IYD: variants seen among roughly 807,000 people sequenced by gnomAD.
IYD encodes the protein iodotyrosine deiodinase 1.
A neutral mutation model predicts 28.4 loss-of-function variants in IYD; 25 were observed. The observed-to-expected ratio is 0.88, with a 90% CI of 0.64 to 1.23. IYD has a LOEUF of 1.23. IYD is among the 50% of genes most tolerant of loss of function. The pLI is 0.00. For missense variants in IYD, 352 were observed against 357.9 expected (o/e 0.98, Z 0.13); for synonymous variants, 140 against 130.8 (o/e 1.07, Z -0.48).
At chr6:150,378,985 T>A (rs1229483196) in intron 1 of IYD, among the ~76,000 whole-genome samples, 1 of 152,226 alleles carries the variant, frequency 6.6e-6, no homozygotes, top group Non-Finnish European at 1.5e-5. Context: ...GGGCTCCAAA[T>A]GGGATCTCAC....
Position 150,389,428 on chromosome 6 carries a change from A to C in IYD, c.255A>C (p.Glu85Asp). 6.2e-7 allele frequency: 1 copy of C among 1,613,596 alleles called. No homozygotes were observed. The highest frequency in any genetic ancestry group is 8.5e-7 in the Non-Finnish European group (1 of 1,179,546). Residue 85 changes from glutamate to aspartate, a missense_variant, in exon 2 of 5, where the codon GAA becomes GAC. By Grantham distance (45) the Glu-to-Asp change is conservative (BLOSUM62 2). Coordinates refer to ENST00000344419, the MANE Select transcript of IYD (RefSeq NM_203395.3). ...CTCATAACCACTATCCTGAGAAGGAAATGGTTAAGAGGTCTCAGGAATTTT... is the reference window on the plus strand; with the variant it reads ...CTCATAACCACTATCCTGAGAAGGACATGGTTAAGAGGTCTCAGGAATTTT... ...PFSHNHYPEK[E>D]MVKRSQEFYE... is the part of the protein sequence containing the mutation.
chr6:150,402,842 G>C lies in IYD; in HGVS notation c.*4605G>C, dbSNP rs1778549378. ...TGACTTCTCTGCTGCATGATATTGG[G>C]GGTAAATAGTTATTGCACATTTGCT... On this transcript the variant is annotated 3_prime_UTR_variant, in exon 5 of 5. Transcript: ENST00000344419. 1 of 152,140 alleles carries C rather than the reference G, an allele frequency of 6.6e-6. No homozygotes were observed. The highest frequency in any genetic ancestry group is 2.4e-5 in the African/African-American group (1 of 41,426). The allele number at this position is 152,140 out of a possible 1,614,324, so 9.4% of individuals were successfully genotyped here. A position where few individuals can be genotyped will look rare whatever the true frequency, so the allele number is the denominator to read the frequency against.
chr6:150,392,580 C>G, intron 3 of IYD, 76 bp downstream of exon 3: 3 of 1,473,842 alleles, frequency 2.0e-6, no homozygotes, highest in Non-Finnish European at 1.9e-6. Context: ...CATGTCCTGG[C>G]TTTGTTGTAA....
At position 150,371,933 on chromosome 6, in the gene IYD, C is replaced by A. The variant is rs368448340; in HGVS notation, c.178+2724C>A. On this transcript the variant is annotated intron_variant, in intron 1 of 4. Coordinates refer to ENST00000344419, the MANE Select transcript of IYD (RefSeq NM_203395.3). ...ACTCAGGCTTCTCAGCCCCCCAAGT[C>A]CCTGCTCTCAGTCACAGGGTGGTTG... Among the ~76,000 whole-genome samples the A allele has an allele frequency of 2.1e-3, 314 of 152,272 alleles. 2 individuals are homozygous for A. Among genetic ancestry groups the A allele is most frequent in the Middle Eastern group, 6.8e-3 (2 of 294 alleles).
rs961429022 is a variant in IYD, at chr6:150,404,864, G to A, written c.*6627G>A. The A allele has an allele frequency of 2.6e-5, 4 of 152,142 alleles. No homozygotes were observed. The highest frequency in any genetic ancestry group is 2.9e-5 in the Non-Finnish European group (2 of 68,034). The allele number at this position is 152,142 out of a possible 1,614,324, so 9.4% of individuals were successfully genotyped here. On this transcript the variant is annotated 3_prime_UTR_variant, in exon 5 of 5. Transcript: ENST00000344419. ...TTCCCTCCTAGTGAGAAGTCTGGAGGTAGATATTAGATGCTGGTCTATTGC... is the reference window on the plus strand; with the variant it reads ...TTCCCTCCTAGTGAGAAGTCTGGAGATAGATATTAGATGCTGGTCTATTGC...
In IYD at chr6:150,389,433, T is replaced by G. The variant is rs770318303; in HGVS notation, c.260T>G (p.Val87Gly). The G allele has an allele frequency of 5.0e-6, 8 of 1,613,548 alleles. No individual in the cohort carries two copies. Among genetic ancestry groups the G allele is most frequent in the Non-Finnish European group, 6.8e-6 (8 of 1,179,518 alleles). Reference sequence around the variant, plus strand: ...AACCACTATCCTGAGAAGGAAATGGTTAAGAGGTCTCAGGAATTTTATGAA... The same window carrying G: ...AACCACTATCCTGAGAAGGAAATGGGTAAGAGGTCTCAGGAATTTTATGAA... ...SHNHYPEKEMVKRSQEFYELL... is the reference protein window; with the variant it reads ...SHNHYPEKEMGKRSQEFYELL... The change falls in exon 2 of 5, where the codon GTT becomes GGT. Residue 87 changes from valine (V) to glycine (G), a missense_variant. Physicochemically the swap from Val to Gly is moderately radical, Grantham distance 109 (BLOSUM62 -3). Transcript: ENST00000344419.
At chr6:150,380,077 A>G (rs1174641877) in intron 1 of IYD, among the ~76,000 whole-genome samples, 1 of 152,200 alleles carries the variant, frequency 6.6e-6, no homozygotes, top group South Asian at 2.1e-4. Context: ...TAAAAGTCAC[A>G]TCTGTCTTGT....
chr6:150,398,478 G>A lies in IYD; in HGVS notation c.*241G>A, dbSNP rs115654530. 3.4e-3 allele frequency: 1,674 copies of A among 496,632 alleles called. 20 individuals carry two copies. Among genetic ancestry groups the A allele is most frequent in the African/African-American group, 0.029 (1,522 of 52,128 alleles). 30.8% of individuals were successfully genotyped at this position (496,632 alleles called of 1,614,324 possible). A position where few individuals can be genotyped will look rare whatever the true frequency, so the allele number is the denominator to read the frequency against. ...GAACACTTTACAAAGAACATGCCCG[G>A]GTTTTTACATTTTAAAAGTTATTCT... On this transcript the variant is annotated 3_prime_UTR_variant, in exon 5 of 5. Transcript: ENST00000344419.
intron 3 of IYD, 67 bp downstream of exon 3, chr6:150,392,571 A>G: frequency 5.4e-6 from 8 of 1,493,604 alleles, no homozygotes; most frequent in Middle Eastern, 1.9e-4. Flanking sequence ...CACCACCACC[A>G]TGTCCTGGCT....
rs72998948 is a variant in IYD at position 150,399,784 on chromosome 6, G to A, written c.*1547G>A. The A allele has an allele frequency of 0.02, 3,095 of 152,198 alleles. 53 individuals are homozygous for A. Among genetic ancestry groups the A allele is most frequent in the Non-Finnish European group, 0.033 (2,222 of 68,056 alleles). 9.4% of individuals were successfully genotyped at this position (152,198 alleles called of 1,614,324 possible). ...ACTGCTGACTTCTTATTGTGTCCTC[G>A]TGGTAGAAAGAGGGTTAGAGCCTCT... On this transcript the variant is annotated 3_prime_UTR_variant, in exon 5 of 5. Transcript: ENST00000344419.
intron 1 of IYD, 42 bp from the exon 2 acceptor site, chr6:150,389,310 A>T: frequency 6.6e-7 from 1 of 1,522,078 alleles, no homozygotes; most frequent in Non-Finnish European, 9.1e-7. Context: ...CTTATGACCA[A>T]GGGATCATTT....
chr6:150,390,193 C>T (rs185476023), intron 2 of IYD, among the ~76,000 whole-genome samples: 248 of 152,184 alleles, frequency 1.6e-3, no homozygotes, highest in Non-Finnish European at 3.1e-3. Context: ...AGTTTATTTG[C>T]AAAAATTATC....
At chr6:150,379,672 T>C (rs999462039) in intron 1 of IYD, among the ~76,000 whole-genome samples, 4 of 152,202 alleles carry the variant, frequency 2.6e-5, no homozygotes, top group African/African-American at 9.7e-5. Flanking sequence ...TCGGAGAAGA[T>C]TAAAATTCAT....
chr6:150,386,838 C>A (rs757152140), intron 1 of IYD, among the ~76,000 whole-genome samples: 1 of 151,686 alleles, frequency 6.6e-6, no homozygotes, highest in African/African-American at 2.4e-5. Flanking sequence ...GACTTTCAAC[C>A]TTTCTATATG....
chr6:150,378,072 G>C (rs1003206845), intron 1 of IYD, among the ~76,000 whole-genome samples: 2 of 152,206 alleles, frequency 1.3e-5, no homozygotes, highest in Admixed American at 6.5e-5. Context: ...TGTTATTGGT[G>C]TTCCTCAGAA....
chr6:150,369,958 T>C (rs1777158177), intron 1 of IYD: 5 of 701,370 alleles, frequency 7.1e-6, no homozygotes, highest in Non-Finnish European at 1.3e-5. Flanking sequence ...AAGTAGAGAA[T>C]TGAGGGCGGG....
At chr6:150,392,825 C>T (rs931540131) in intron 3 of IYD, among the ~76,000 whole-genome samples, 1 of 152,202 alleles carries the variant, frequency 6.6e-6, no homozygotes, top group Non-Finnish European at 1.5e-5. Context: ...TCAGGTCTTC[C>T]AAATGATTTT....
intron 3 of IYD, among the ~76,000 whole-genome samples, chr6:150,392,793 A>G (rs1778172848): frequency 6.6e-6 from 1 of 152,240 alleles, no homozygotes; most frequent in African/African-American, 2.4e-5. Context: ...TGCATGAAGC[A>G]AATTACATTT....
intron 3 of IYD, 41 bp from the exon 4 acceptor site, chr6:150,394,058 A>G (rs759496221): frequency 5.6e-6 from 9 of 1,605,582 alleles, no homozygotes; most frequent in African/African-American, 5.4e-5. Context: ...AGAACAAAAA[A>G]TATGGGCAAA....
Sources: gnomAD v4.1 joint callset for allele counts (sites outside exome capture counted in the v4.1 genomes callset) on GRCh38, gnomAD v4.1.1 for gene constraint, MANE v1.5 for transcripts, NCBI Gene and HGNC (gene_info 2026-07-23, HGNC 2026-07-21) for gene names.